NEDD4L: variants seen among roughly 807,000 people sequenced by gnomAD.
NEDD4L encodes the protein NEDD4 like E3 ubiquitin protein ligase.
NEDD4L carries 54 observed loss-of-function variants against 148.9 expected under a neutral mutation model. The ratio of observed to expected loss-of-function variants is 0.36; its 90% CI spans 0.29 to 0.45. The LOEUF (loss-of-function observed/expected upper bound fraction) is 0.45, where lower values mean the gene tolerates loss of function less well. Ranked by LOEUF, NEDD4L falls within the 20% of genes least tolerant of loss-of-function variation. NEDD4L has a pLI of 1.00. For missense variants in NEDD4L, 856 were observed against 1,233.8 expected, an observed-to-expected ratio of 0.69 and a Z score of 4.59; for synonymous variants, 433 against 440.7, an observed-to-expected ratio of 0.98 and a Z score of 0.22.
At chr18:58,249,283 T>G (rs1190829625) in intron 4 of NEDD4L, among the ~76,000 whole-genome samples, 1 of 152,118 alleles carries the variant, frequency 6.6e-6, no homozygotes, top group East Asian at 1.9e-4. Context: ...TTAGAGAGAG[T>G]AAAACAGTAG....
At chr18:58,069,201 C>A (rs80067339) in intron 1 of NEDD4L, among the ~76,000 whole-genome samples, 2,721 of 151,338 alleles carry the variant, frequency 0.018, 89 homozygotes, top group African/African-American at 0.062. Flanking sequence ...CCCTGTTATA[C>A]CCTCTTCTCT....
chr18:58,372,954 A>G (rs867719611), intron 23 of NEDD4L, among the ~76,000 whole-genome samples: 6 of 152,338 alleles, frequency 3.9e-5, no homozygotes, highest in Middle Eastern at 3.4e-3. Context: ...GTGCATCACT[A>G]AGGACAGGAT....
chr18:58,324,938 C>T (rs2059179223), intron 8 of NEDD4L, 58 bp from the exon 9 acceptor site: 5 of 1,508,142 alleles, frequency 3.3e-6, no homozygotes, highest in Non-Finnish European at 1.8e-6. Flanking sequence ...CTGTGATGAC[C>T]TCTTACTCAC....
At chr18:58,163,072 G>GA (rs34276141) in intron 1 of NEDD4L, among the ~76,000 whole-genome samples, 12,342 of 147,426 alleles carry the variant, frequency 0.084, 798 homozygotes, top group East Asian at 0.23. Flanking sequence ...TCAAAAAAAA[G>GA]AAAAAAAAAA....
intron 28 of NEDD4L, 131 bp downstream of exon 28, chr18:58,389,323 G>C: frequency 4.7e-6 from 3 of 643,592 alleles, no homozygotes; most frequent in Non-Finnish European, 2.6e-6. Context: ...TTGGACTGCT[G>C]GGGGAGGGAA....
At chr18:58,069,735 T>G (rs2082774882) in intron 1 of NEDD4L, among the ~76,000 whole-genome samples, 1 of 152,190 alleles carries the variant, frequency 6.6e-6, no homozygotes, top group Non-Finnish European at 1.5e-5. Flanking sequence ...AAAATCTACT[T>G]CATAAAAGCA....
intron 1 of NEDD4L, among the ~76,000 whole-genome samples, chr18:58,078,216 T>A (rs570465109): frequency 6.6e-6 from 1 of 152,276 alleles, no homozygotes; most frequent in South Asian, 2.1e-4. Context: ...AGTACCTAAT[T>A]TATTAAAATA....
At chr18:58,137,858 T>C (rs1334003836) in intron 1 of NEDD4L, among the ~76,000 whole-genome samples, 2 of 152,258 alleles carry the variant, frequency 1.3e-5, no homozygotes, top group Non-Finnish European at 2.9e-5. Context: ...TTACTTTTCC[T>C]GCCCAGCTTT....
Position 58,396,468 on chromosome 18 carries a change from A to G in NEDD4L, c.*199A>G. 1 of 506,980 alleles carries G rather than the reference A, an allele frequency of 2.0e-6. No homozygotes were observed. The highest frequency in any genetic ancestry group is 3.3e-5 in the Admixed American group (1 of 30,332). The allele number at this position is 506,980 out of a possible 1,614,324, so 31.4% of individuals were successfully genotyped here. On this transcript the variant is annotated 3_prime_UTR_variant, in exon 31 of 31. Transcript: ENST00000400345. ...TTGAGTTCCTGCCTTTCCCACCACAAATTATCAACTGGTTGATGTGTACAC... is the reference window on the plus strand; with the variant it reads ...TTGAGTTCCTGCCTTTCCCACCACAGATTATCAACTGGTTGATGTGTACAC...
chr18:58,266,605 G>A (rs531049132), intron 5 of NEDD4L, among the ~76,000 whole-genome samples: 3 of 152,194 alleles, frequency 2.0e-5, no homozygotes, highest in Non-Finnish European at 2.9e-5. Context: ...TCACACAAAC[G>A]GATTAACAAG....
intron 1 of NEDD4L, among the ~76,000 whole-genome samples, chr18:58,160,793 T>C (rs1041519165): frequency 4.6e-5 from 7 of 152,242 alleles, no homozygotes. Context: ...ACATTTTTGC[T>C]GTGTCTCTAA....
Position 58,251,945 on chromosome 18 carries a change from G to A in NEDD4L, c.244-56G>A, listed in dbSNP as rs369446648. 2.5e-4 allele frequency: 237 copies of A among 936,448 alleles called. No homozygotes were observed. The East Asian group carries it at 3.4e-3, about 14-fold the overall frequency. 58.0% of individuals were successfully genotyped at this position (936,448 alleles called of 1,614,324 possible). A position where few individuals can be genotyped will look rare whatever the true frequency, so the allele number is the denominator to read the frequency against. On this transcript the variant is annotated intron_variant, in intron 4 of 30. Transcript: ENST00000400345. ...GTATGTTATTCTTTCTGTTCCTTAC[G>A]TCGCTGTTCAAATGATTCCTGCTCG...
chr18:58,399,832 T>C lies in NEDD4L; in HGVS notation c.*3563T>C, dbSNP rs2050737524. 6.6e-6 allele frequency: 1 copy of C among 152,140 alleles called. No individual in the cohort carries two copies. The highest frequency in any genetic ancestry group is 6.5e-5 in the Admixed American group (1 of 15,268). 9.4% of individuals were successfully genotyped at this position (152,140 alleles called of 1,614,324 possible). On this transcript the variant is annotated 3_prime_UTR_variant, in exon 31 of 31. Coordinates refer to ENST00000400345, the MANE Select transcript of NEDD4L (RefSeq NM_001144967.3). ...AACAGCATGCAAAACATTTGAACCATTTTCTACATCTCCCATTGTTGCATA... is the reference window on the plus strand; with the variant it reads ...AACAGCATGCAAAACATTTGAACCACTTTCTACATCTCCCATTGTTGCATA...
At chr18:58,047,026 C>T (rs188638156) in intron 1 of NEDD4L, 140 of 153,940 alleles carry the variant, frequency 9.1e-4, no homozygotes, top group Non-Finnish European at 1.8e-3. Context: ...AGAATATTAA[C>T]GACAAATTGT....
intron 2 of NEDD4L, among the ~76,000 whole-genome samples, chr18:58,194,259 C>T (rs554660185): frequency 1.8e-4 from 28 of 152,004 alleles, no homozygotes; most frequent in Non-Finnish European, 3.5e-4. Flanking sequence ...AAAGCAGGAG[C>T]CACCAGCAGA....
intron 2 of NEDD4L, among the ~76,000 whole-genome samples, chr18:58,243,266 C>T (rs1364416210): frequency 2.0e-5 from 3 of 152,222 alleles, no homozygotes; most frequent in African/African-American, 7.2e-5. Context: ...CGTGTGTGTG[C>T]ACGTGTGTTC....
intron 5 of NEDD4L, chr18:58,314,661 TGTA>T (rs1412800016): frequency 6.6e-6 from 1 of 152,196 alleles, no homozygotes; most frequent in Non-Finnish European, 1.5e-5. Flanking sequence ...CACGTTGAGT[TGTA>T]GTAGATACAG....
intron 30 of NEDD4L, 34 bp from the exon 31 acceptor site, chr18:58,396,124 TGCTGTTGTG>T: frequency 7.7e-7 from 1 of 1,300,590 alleles, no homozygotes; most frequent in Non-Finnish European, 1.1e-6. Flanking sequence ...ATCGAGGAAG[TGCTGTTGTG>T]GCTTTTCACC....
intron 2 of NEDD4L, among the ~76,000 whole-genome samples, chr18:58,229,974 G>A (rs997477527): frequency 6.6e-5 from 10 of 152,116 alleles, no homozygotes; most frequent in African/African-American, 2.2e-4. Context: ...GGGCGACAGA[G>A]TGAGACTCTG....
Sources: gnomAD v4.1 joint callset for allele counts (sites outside exome capture counted in the v4.1 genomes callset) on GRCh38, gnomAD v4.1.1 for gene constraint, MANE v1.5 for transcripts, NCBI Gene and HGNC (gene_info 2026-07-23, HGNC 2026-07-21) for gene names.